The following PTBP1 variants were observed in gnomAD, a reference collection of about 807,000 sequenced individuals.
PTBP1 encodes the protein polypyrimidine tract-binding protein 1.
PTBP1 carries 8 observed loss-of-function variants against 59.8 expected under a neutral mutation model. The ratio of observed to expected loss-of-function variants is 0.13; its 90% CI spans 0.08 to 0.24. The LOEUF (loss-of-function observed/expected upper bound fraction) is 0.24. PTBP1 is among the 10% of genes least tolerant of loss of function. The probability of loss-of-function intolerance (pLI) is 1.00; values close to 1 mark genes in which losing one functional copy is unlikely to be tolerated. For synonymous variants in PTBP1, 490 were observed against 320.7 expected (o/e 1.53, Z -5.64); for missense variants, 686 against 767.0 (o/e 0.89, Z 1.25).
chr19:801,371 G>A (rs993730247), intron 2 of PTBP1, among the ~76,000 whole-genome samples: 3 of 152,258 alleles, frequency 2.0e-5, no homozygotes, highest in Non-Finnish European at 4.4e-5. Context: ...GCCGGCCTGT[G>A]CCGCCTGGGC....
intron 2 of PTBP1, among the ~76,000 whole-genome samples, chr19:800,940 G>A (rs1270163357): frequency 1.3e-5 from 2 of 152,138 alleles, no homozygotes; most frequent in Non-Finnish European, 2.9e-5. Flanking sequence ...TTTGCCACAG[G>A]GCAGGGTTAG....
chr19:809,575 C>T (rs1267338128), intron 13 of PTBP1, among the ~76,000 whole-genome samples: 1 of 152,192 alleles, frequency 6.6e-6, no homozygotes, highest in African/African-American at 2.4e-5. Flanking sequence ...CCGCCTCGGC[C>T]TCCCAAAGTG....
chr19:803,941 C>T (rs1767761273), intron 3 of PTBP1, 95 bp from the exon 4 acceptor site: 2 of 1,462,052 alleles, frequency 1.4e-6, no homozygotes, highest in African/African-American at 1.4e-5. Context: ...CAGGGTTGGT[C>T]TCCGTAGCAG....
rs1417882983 is a variant in PTBP1 at position 811,153 on chromosome 19, T to A, written c.*327T>A. ...GCGCCCCGACCACGACTTGGCTTCC[T>A]TGTGCCTTAAAAAACCTGCCTTCCT... On this transcript the variant is annotated 3_prime_UTR_variant, in exon 15 of 15. Transcript: ENST00000356948. 1.3e-5 allele frequency: 3 copies of A among 224,680 alleles called. No individual in the cohort carries two copies. The highest frequency in any genetic ancestry group is 9.5e-5 in the East Asian group (1 of 10,506). 13.9% of individuals were successfully genotyped at this position (224,680 alleles called of 1,614,324 possible).
chr19:797,978 GC>G (rs2034151892), intron 1 of PTBP1, among the ~76,000 whole-genome samples: 1 of 149,696 alleles, frequency 6.7e-6, no homozygotes, highest in Non-Finnish European at 1.5e-5. Context: ...CTTTCCCGCC[GC>G]CCGGACTCTG....
At position 810,857 on chromosome 19, in the gene PTBP1, G is replaced by C; in HGVS notation, c.*31G>C. On this transcript the variant is annotated 3_prime_UTR_variant, in exon 15 of 15. Coordinates refer to ENST00000356948, the MANE Select transcript of PTBP1 (RefSeq NM_002819.5). ...CAGGCCCCCACGGCCGGGCCCCCTG[G>C]CGACAACTTCCATCATTCCAGAGAA... The C allele has an allele frequency of 6.7e-7, 1 of 1,502,360 alleles. No homozygotes were observed. Among genetic ancestry groups the C allele is most frequent in the South Asian group, 1.3e-5 (1 of 74,834 alleles). 93.1% of individuals were successfully genotyped at this position (1,502,360 alleles called of 1,614,324 possible).
chr19:806,748 C>T (rs569994630), intron 10 of PTBP1, 192 bp downstream of exon 10: 16 of 515,172 alleles, frequency 3.1e-5, no homozygotes, highest in African/African-American at 2.2e-4. Flanking sequence ...CCTGAATTCA[C>T]ATCTTGGTTC....
intron 2 of PTBP1, 138 bp from the exon 3 acceptor site, chr19:803,423 G>A (rs919037545): frequency 1.8e-5 from 13 of 704,216 alleles, no homozygotes; most frequent in South Asian, 6.8e-5. Context: ...AGGCTGCCCT[G>A]CCGTGGAAGT....
At chr19:805,258 C>A in intron 8 of PTBP1, 71 bp downstream of exon 8, 2 of 1,542,784 alleles carry the variant, frequency 1.3e-6, no homozygotes, top group Non-Finnish European at 1.8e-6. Context: ...GGAGCCCCGG[C>A]GGCACGGGCC....
rs2034892195 is a variant in PTBP1, at chr19:811,835, G to A, written c.*1009G>A. On this transcript the variant is annotated 3_prime_UTR_variant, in exon 15 of 15. Coordinates refer to ENST00000356948, the MANE Select transcript of PTBP1 (RefSeq NM_002819.5). The stretch of plus-strand genomic sequence containing the variant: ...AGAAAACTTGCTCTCAAACTTCAGG[G>A]TTTTTTCTTCCTTCAAATTTTGGAC... 1 of 152,414 alleles carries A rather than the reference G, an allele frequency of 6.6e-6. No individual in the cohort carries two copies. The highest frequency in any genetic ancestry group is 2.1e-4 in the South Asian group (1 of 4,814). 9.4% of individuals were successfully genotyped at this position (152,414 alleles called of 1,614,324 possible). A position where few individuals can be genotyped will look rare whatever the true frequency, so the allele number is the denominator to read the frequency against.
intron 13 of PTBP1, among the ~76,000 whole-genome samples, chr19:809,307 CATTT>C (rs77656557): frequency 0.013 from 2,007 of 148,944 alleles, 38 homozygotes; most frequent in African/African-American, 0.044. Flanking sequence ...CGCCTAGCCA[CATTT>C]ATTTATTTAT....
At position 808,727 on chromosome 19, in the gene PTBP1, C is replaced by T; in HGVS notation, c.1428C>T (p.Phe476=). Residue 476 remains phenylalanine, a synonymous_variant, in exon 13 of 15, where the codon TTC becomes TTT. Transcript: ENST00000356948. The surrounding 1 kb of genome is among the most constrained non-coding windows in gnomAD (Gnocchi z 4.7). ...KPGSKNFQNI[F]PPSATLHLSN... ...GCTCCAAGAACTTCCAGAACATATT[C>T]CCGCCCTCGGCCACGCTGCACCTCT... 4 of 1,613,074 alleles carry T rather than the reference C, an allele frequency of 2.5e-6. No homozygotes were observed. Among genetic ancestry groups the T allele is most frequent in the Non-Finnish European group, 2.5e-6 (3 of 1,179,824 alleles).
intron 13 of PTBP1, among the ~76,000 whole-genome samples, chr19:809,886 G>A (rs2034774066): frequency 6.6e-6 from 1 of 152,182 alleles, no homozygotes; most frequent in South Asian, 2.1e-4. Context: ...GGGCGGCAGA[G>A]TAAGACCCTG....
In PTBP1 at chr19:808,232, C is replaced by T. The variant is rs2034667702; in HGVS notation, c.1154-128C>T. 4 of 773,958 alleles carry T rather than the reference C, an allele frequency of 5.2e-6. No individual in the cohort carries two copies. In the Admixed American group the frequency reaches 6.9e-5, roughly 13 times the overall value. 47.9% of individuals were successfully genotyped at this position (773,958 alleles called of 1,614,324 possible). On this transcript the variant is annotated intron_variant, in intron 11 of 14. Transcript: ENST00000356948. The surrounding 1 kb of genome is among the most constrained non-coding windows in gnomAD (Gnocchi z 4.7). ...CCTGTGGCTGCGAGACGCAGCTCCG[C>T]AGTGGCCGATAAAGCAAACCCGGCC...
chr19:805,255 C>A, intron 8 of PTBP1, 68 bp downstream of exon 8: 1 of 1,552,676 alleles, frequency 6.4e-7, no homozygotes, highest in Non-Finnish European at 8.8e-7. Context: ...TCCGGAGCCC[C>A]GGCGGCACGG....
chr19:809,542 G>A (rs143137933), intron 13 of PTBP1, among the ~76,000 whole-genome samples: 2 of 152,006 alleles, frequency 1.3e-5, no homozygotes, highest in East Asian at 1.9e-4. Flanking sequence ...GGATGGTGTC[G>A]ATCTCCTGAC....
In PTBP1 at chr19:804,133, G is replaced by A. The variant is rs1404401044; in HGVS notation, c.213G>A (p.Thr71=). The A allele has an allele frequency of 1.2e-5, 20 of 1,613,718 alleles. No individual in the cohort carries two copies. Among genetic ancestry groups the A allele is most frequent in the Non-Finnish European group, 1.4e-5 (17 of 1,179,862 alleles). The change falls in exon 4 of 15, where the codon ACG becomes ACA. Residue 71 remains threonine (T), a synonymous_variant. Coordinates refer to ENST00000356948, the MANE Select transcript of PTBP1 (RefSeq NM_002819.5). The stretch of plus-strand genomic sequence containing the variant: ...TCCGGAAGCTCCCCATCGACGTCAC[G>A]GAGGGGGAAGTCATCTCCCTGGGGC... ...IHIRKLPIDV[T]EGEVISLGLP... is the part of the protein sequence containing the mutation.
In PTBP1 at chr19:811,770, C is replaced by T. The variant is rs1219141450; in HGVS notation, c.*944C>T. 1.3e-5 allele frequency: 2 copies of T among 152,456 alleles called. No individual in the cohort carries two copies. Among genetic ancestry groups the T allele is most frequent in the Non-Finnish European group, 1.5e-5 (1 of 68,038 alleles). 9.4% of individuals were successfully genotyped at this position (152,456 alleles called of 1,614,324 possible). Reference sequence around the variant, plus strand: ...GGCGTGTCGCCGCCTCTGGCATCGCCTCCGGTTGCCTTACACCACGCCTTC... The same window carrying T: ...GGCGTGTCGCCGCCTCTGGCATCGCTTCCGGTTGCCTTACACCACGCCTTC... On this transcript the variant is annotated 3_prime_UTR_variant, in exon 15 of 15. Coordinates refer to ENST00000356948, the MANE Select transcript of PTBP1 (RefSeq NM_002819.5).
chr19:803,899 C>T (rs993805560), intron 3 of PTBP1, 137 bp from the exon 4 acceptor site: 24 of 1,047,482 alleles, frequency 2.3e-5, no homozygotes, highest in East Asian at 7.4e-5. Context: ...TGGCCTCTCG[C>T]GCTGCTGGTT....
Sources: allele counts gnomAD v4.1 joint callset (sites outside exome capture counted in the v4.1 genomes callset), GRCh38; gene constraint gnomAD v4.1.1; non-coding constraint Gnocchi (gnomAD v3.1); transcripts MANE v1.5; gene names NCBI Gene and HGNC (gene_info 2026-07-23, HGNC 2026-07-21).